Variants in AUTS2 observed in about 807,000 individuals in gnomAD.
AUTS2 encodes the protein autism susceptibility gene 2 protein.
Under a neutral mutation model 112.4 loss-of-function variants are expected in AUTS2, and 17 were observed. The ratio of observed to expected loss-of-function variants is 0.15; its 90% CI spans 0.10 to 0.23. The LOEUF (loss-of-function observed/expected upper bound fraction) is 0.23, where lower values mean the gene tolerates loss of function less well. Ranked by LOEUF, AUTS2 falls within the 10% of genes least tolerant of loss-of-function variation. The pLI is 1.00. For missense variants in AUTS2, 1,510 were observed against 1,701.6 expected (o/e 0.89, Z 1.98); for synonymous variants, 751 against 702.7 (o/e 1.07, Z -1.09).
At chr7:69,867,877 A>G (rs1418202170) in intron 1 of AUTS2, among the ~76,000 whole-genome samples, 3 of 152,182 alleles carry the variant, frequency 2.0e-5, no homozygotes, top group Non-Finnish European at 4.4e-5. Flanking sequence ...ACACATAGAT[A>G]AATTTGAATC....
intron 1 of AUTS2, among the ~76,000 whole-genome samples, chr7:69,690,402 G>A (rs1342262758): frequency 1.3e-5 from 2 of 152,202 alleles, no homozygotes; most frequent in Admixed American, 1.3e-4. Flanking sequence ...GCTCCGGCCT[G>A]CTGGGCTTGT....
At chr7:70,191,161 CTTTTTTTTTTTT>C (rs34637651) in intron 4 of AUTS2, among the ~76,000 whole-genome samples, 31 of 86,416 alleles carry the variant, frequency 3.6e-4, no homozygotes, top group African/African-American at 5.2e-4. Context: ...CCACTTATTT[CTTTTTTTTTTTT>C]TTTTTTTTTT....
intron 5 of AUTS2, among the ~76,000 whole-genome samples, chr7:70,520,280 A>C (rs1799589701): frequency 1.3e-5 from 2 of 152,242 alleles, no homozygotes; most frequent in African/African-American, 4.8e-5. Context: ...GCATGACCCC[A>C]GATTTCATCT....
Position 70,118,015 on chromosome 7 carries a change from T to C in AUTS2, c.523-117T>C, listed in dbSNP as rs558652365. ...CTCCTACCTCTGCCTCCGAAAGTGC[T>C]GGGATTACAGGCGTGAGCCACCGTG... On this transcript the variant is annotated intron_variant, in intron 2 of 18. Coordinates refer to ENST00000342771, the MANE Select transcript of AUTS2 (RefSeq NM_015570.4). 44 of 1,271,862 alleles carry C rather than the reference T, an allele frequency of 3.5e-5. No homozygotes were observed. The Admixed American group carries it at 9.1e-4, about 26-fold the overall frequency. The allele number at this position is 1,271,862 out of a possible 1,614,324, so 78.8% of individuals were successfully genotyped here.
At chr7:70,273,111 C>A (rs1238488619) in intron 4 of AUTS2, among the ~76,000 whole-genome samples, 2 of 152,102 alleles carry the variant, frequency 1.3e-5, no homozygotes, top group Non-Finnish European at 2.9e-5. Flanking sequence ...TGCAGTGGCA[C>A]GATCTTGGCT....
chr7:70,724,194 G>A (rs1255603389), intron 6 of AUTS2, among the ~76,000 whole-genome samples: 1 of 151,860 alleles, frequency 6.6e-6, no homozygotes, highest in Non-Finnish European at 1.5e-5. Context: ...ATTTGGCTGA[G>A]GACTTCTTTT....
intron 2 of AUTS2, among the ~76,000 whole-genome samples, chr7:70,110,729 A>T (rs1377224317): frequency 2.0e-5 from 3 of 152,118 alleles, no homozygotes; most frequent in Non-Finnish European, 4.4e-5. Flanking sequence ...AACACAGGTA[A>T]ATAACTTTCC....
At chr7:70,320,573 C>T (rs1790208784) in intron 4 of AUTS2, among the ~76,000 whole-genome samples, 2 of 152,204 alleles carry the variant, frequency 1.3e-5, no homozygotes, top group South Asian at 2.1e-4. Context: ...GTGTGTACTA[C>T]ATCACTGGGG....
intron 5 of AUTS2, among the ~76,000 whole-genome samples, chr7:70,587,268 G>C (rs1459757801): frequency 6.6e-6 from 1 of 152,010 alleles, no homozygotes; most frequent in Non-Finnish European, 1.5e-5. Flanking sequence ...GTAGAGATAG[G>C]GTCTCACTCT....
chr7:70,321,508 C>G (rs926110594), intron 4 of AUTS2, among the ~76,000 whole-genome samples: 1 of 152,106 alleles, frequency 6.6e-6, no homozygotes, highest in African/African-American at 2.4e-5. Flanking sequence ...AAAGCGATTT[C>G]ATTATTGTAA....
intron 4 of AUTS2, among the ~76,000 whole-genome samples, chr7:70,222,291 G>A (rs904139205): frequency 7.2e-5 from 11 of 152,188 alleles, no homozygotes; most frequent in Admixed American, 5.9e-4. Flanking sequence ...CAGGGAGGAA[G>A]AGGGATAGCA....
chr7:70,492,328 G>A (rs1261493846), intron 5 of AUTS2, among the ~76,000 whole-genome samples: 1 of 103,938 alleles, frequency 9.6e-6, no homozygotes, highest in African/African-American at 5.0e-5. Flanking sequence ...GGTCCTGGCT[G>A]TTCATGTTGA....
chr7:69,619,598 T>G (rs139429726), intron 1 of AUTS2, among the ~76,000 whole-genome samples: 24 of 152,202 alleles, frequency 1.6e-4, no homozygotes, highest in African/African-American at 5.5e-4. Context: ...TGTACCCTCT[T>G]TCAGAAGTGC....
chr7:70,712,915 GGTTT>G (rs1810139878), intron 6 of AUTS2, among the ~76,000 whole-genome samples: 3 of 152,128 alleles, frequency 2.0e-5, no homozygotes, highest in East Asian at 1.9e-4. Context: ...CTCCTGGGTT[GGTTT>G]GTTTGTTTGT....
At chr7:70,601,996 G>A (rs1483495813) in intron 5 of AUTS2, among the ~76,000 whole-genome samples, 1 of 152,110 alleles carries the variant, frequency 6.6e-6, no homozygotes, top group African/African-American at 2.4e-5. Flanking sequence ...TTCCCTATTA[G>A]CAGATCCTCA....
chr7:69,732,505 C>T (rs1786843346), intron 1 of AUTS2, among the ~76,000 whole-genome samples: 1 of 152,018 alleles, frequency 6.6e-6, no homozygotes, highest in Non-Finnish European at 1.5e-5. Flanking sequence ...CATTGTTTCC[C>T]ATGGAATTTC....
chr7:70,159,408 TA>T (rs1807958254), intron 4 of AUTS2, among the ~76,000 whole-genome samples: 1 of 152,178 alleles, frequency 6.6e-6, no homozygotes, highest in African/African-American at 2.4e-5. Context: ...CAAAATGGCT[TA>T]AAACAGTAGA....
Position 70,774,045 on chromosome 7 carries a change from T to C in AUTS2, c.1848T>C (p.Asp616=), listed in dbSNP as rs772634984. The change falls in exon 12 of 19, where the codon GAT becomes GAC. Residue 616 remains aspartate (D), a synonymous_variant. Transcript: ENST00000342771. ...ATTTGTAGACATCCAACCCTATCGA[T>C]GTCGCTGCTCGGCCTGGGACAGTCC... ...AFQPKTSNPI[D]VAARPGTVPH... is the part of the protein sequence containing the mutation. 5.4e-5 allele frequency: 87 copies of C among 1,614,100 alleles called. No individual in the cohort carries two copies. The highest frequency in any genetic ancestry group is 7.1e-5 in the Non-Finnish European group (84 of 1,180,052).
Position 69,623,803 on chromosome 7 carries a change from A to G in AUTS2, c.309+23841A>G, listed in dbSNP as rs191985216. On this transcript the variant is annotated intron_variant, in intron 1 of 18. Coordinates refer to ENST00000342771, the MANE Select transcript of AUTS2 (RefSeq NM_015570.4). ...TACAGCTCAATGAATGATCCAATGA[A>G]TGATCACAAAGTGAATACCCAGGTA... Among the ~76,000 whole-genome samples the G allele has an allele frequency of 2.0e-3, 301 of 152,280 alleles. 1 individual carries two copies. The highest frequency in any genetic ancestry group is 6.8e-3 in the African/African-American group (283 of 41,564).
Sources: allele counts gnomAD v4.1 joint callset (sites outside exome capture counted in the v4.1 genomes callset), GRCh38; gene constraint gnomAD v4.1.1; transcripts MANE v1.5; gene names NCBI Gene and HGNC (gene_info 2026-07-23, HGNC 2026-07-21).